F10: variants seen among roughly 807,000 people sequenced by gnomAD.
F10 encodes Stuart-Prower factor.
A neutral mutation model predicts 37.1 loss-of-function variants in F10; 29 were observed. That is an observed-to-expected ratio of 0.78 (90% CI 0.58 to 1.07). The LOEUF (loss-of-function observed/expected upper bound fraction) is 1.07, where lower values mean the gene tolerates loss of function less well. Ranked by LOEUF, F10 falls within the 50% of genes least tolerant of loss-of-function variation. The probability of loss-of-function intolerance (pLI) is 0.00; values close to 1 mark genes in which losing one functional copy is unlikely to be tolerated. For missense variants in F10, 539 were observed against 667.9 expected (o/e 0.81, Z 2.13); for synonymous variants, 262 against 268.6 (o/e 0.98, Z 0.24).
chr13:113,141,902 G>A lies in F10; in HGVS notation c.502+852G>A, dbSNP rs80026010. Among the ~76,000 whole-genome samples the A allele has an allele frequency of 5.3e-5, 8 of 152,174 alleles. No individual in the cohort carries two copies. Among genetic ancestry groups the A allele is most frequent in the Middle Eastern group, 3.2e-3 (1 of 316 alleles). On this transcript the variant is annotated intron_variant, in intron 5 of 7. Coordinates refer to ENST00000375559, the MANE Select transcript of F10 (RefSeq NM_000504.4). The surrounding 1 kb of genome is among the most constrained non-coding windows in gnomAD (Gnocchi z 5.4). The stretch of plus-strand genomic sequence containing the variant: ...CAGCTCACCTTCCGGCTTCAGGTGC[G>A]GCTCAGCCCCCAGACCGTGTTCTGC...
In F10 at chr13:113,139,525, G is replaced by C; in HGVS notation, c.370+55G>C. On this transcript the variant is annotated intron_variant, in intron 4 of 7. Transcript: ENST00000375559. This position sits in a 1 kb window ranked among gnomAD's most constrained non-coding sequence, Gnocchi z 5.2. ...ATCAGATGCCCCTGAAGAGTGGCAG[G>C]TGGGCGGGGGAAGAAGTGAAAACGC... 3 of 1,372,644 alleles carry C rather than the reference G, an allele frequency of 2.2e-6. No homozygotes were observed. Among genetic ancestry groups the C allele is most frequent in the Non-Finnish European group, 3.1e-6 (3 of 962,126 alleles). The allele number at this position is 1,372,644 out of a possible 1,614,324, so 85.0% of individuals were successfully genotyped here. A position where few individuals can be genotyped will look rare whatever the true frequency, so the allele number is the denominator to read the frequency against.
Position 113,143,700 on chromosome 13 carries a change from C to CA in F10, c.503-151_503-150insA. On this transcript the variant is annotated intron_variant, in intron 5 of 7. Transcript: ENST00000375559. The surrounding 1 kb of genome is among the most constrained non-coding windows in gnomAD (Gnocchi z 6.8). ...CTGCAGATCCGACCCCTGCCGACGA[C>CA]GTGGGGCCTCGCCCTGCAAGCCCGC... The CA allele has an allele frequency of 1.3e-4, 143 of 1,143,632 alleles. No individual in the cohort carries two copies. Among genetic ancestry groups the CA allele is most frequent in the Admixed American group, 7.2e-4 (29 of 40,532 alleles). The allele number at this position is 1,143,632 out of a possible 1,614,324, so 70.8% of individuals were successfully genotyped here. A position where few individuals can be genotyped will look rare whatever the true frequency, so the allele number is the denominator to read the frequency against.
intron 3 of F10, among the ~76,000 whole-genome samples, 197 bp downstream of exon 3, chr13:113,138,678 TGA>T (rs952798449): frequency 2.0e-5 from 3 of 152,232 alleles, no homozygotes; most frequent in Non-Finnish European, 4.4e-5. Context: ...GTTTTGTTAT[TGA>T]GTTAGAGATA....
At chr13:113,124,565 G>A (rs1173236772) in intron 1 of F10, among the ~76,000 whole-genome samples, 1 of 152,238 alleles carries the variant, frequency 6.6e-6, no homozygotes, top group Non-Finnish European at 1.5e-5. Context: ...TGTGGGGTGG[G>A]TGGGGCTGAA....
rs753080446 is a variant in F10 at position 113,129,545 on chromosome 13, G to A, written c.164G>A (p.Arg55Lys). The change falls in exon 2 of 8, where the codon AGA (arginine) becomes AAA (lysine). Residue 55 changes from arginine to lysine, a missense_variant. This residue lies in a region of F10 where 130 missense variants were observed against 120.0 expected (regional missense o/e 1.08). Coordinates refer to ENST00000375559, the MANE Select transcript of F10 (RefSeq NM_000504.4). ...GAGATGAAGAAAGGACACCTCGAAA[G>A]AGAGTGCATGGAAGAGACCTGCTCA... ...LEEMKKGHLE[R>K]ECMEETCSYE... 3.1e-6 allele frequency: 5 copies of A among 1,614,108 alleles called. No homozygotes were observed. The Admixed American group carries it at 8.3e-5, about 27-fold the overall frequency.
In F10 at chr13:113,146,407, TG is replaced by T. The variant is rs1313045870; in HGVS notation, c.748-970del. 6.6e-6 allele frequency among the ~76,000 whole-genome samples: 1 copy of T among 151,980 alleles called. No individual in the cohort carries two copies. The highest frequency in any genetic ancestry group is 2.4e-5 in the African/African-American group (1 of 41,382). On this transcript the variant is annotated intron_variant, in intron 6 of 7. Transcript: ENST00000375559. The surrounding 1 kb of genome is among the most constrained non-coding windows in gnomAD (Gnocchi z 4.5). ...GGACTTGGAGCTGCAGGCGGGGTTT[TG>T]GAGGGGTTCCTGGGCTGGGGGACCA...
chr13:113,142,291 C>G (rs2036536587), intron 5 of F10, among the ~76,000 whole-genome samples: 2 of 152,024 alleles, frequency 1.3e-5, no homozygotes, highest in Non-Finnish European at 2.9e-5. Flanking sequence ...CCTGTAATCC[C>G]AGCATTTTGG....
rs750596530 is a variant in F10, at chr13:113,143,859, C to T, written c.511C>T (p.Pro171Ser). 1.9e-6 allele frequency: 3 copies of T among 1,612,674 alleles called. No individual in the cohort carries two copies. Among genetic ancestry groups the T allele is most frequent in the Non-Finnish European group, 2.5e-6 (3 of 1,180,014 alleles). ...CGTCCTCTTTCTTTCAGGGCCCTAC[C>T]CCTGTGGGAAACAGACCCTGGAACG... ...GKACIPTGPY[P>S]CGKQTLERRK... Residue 171 changes from proline (P) to serine (S), a missense_variant, in exon 6 of 8, where the codon CCC (proline) becomes TCC (serine). Pro to Ser is a moderately conservative substitution (Grantham distance 74). Around this residue, in one of 2 missense-constraint regions of F10, gnomAD observed 409 missense variants for 547.9 expected, o/e 0.75. Coordinates refer to ENST00000375559, the MANE Select transcript of F10 (RefSeq NM_000504.4). This position sits in a 1 kb window ranked among gnomAD's most constrained non-coding sequence, Gnocchi z 6.8.
chr13:113,128,219 T>G (rs551244506), intron 1 of F10: 1 of 152,184 alleles, frequency 6.6e-6, no homozygotes, highest in Admixed American at 6.5e-5. Flanking sequence ...CCTTGGAAGG[T>G]CCTGAGAACA....
chr13:113,147,690 G>T (rs975682167), intron 7 of F10, among the ~76,000 whole-genome samples, 194 bp downstream of exon 7: 7 of 152,132 alleles, frequency 4.6e-5, no homozygotes, highest in Admixed American at 3.9e-4. Context: ...GAGGAGGACG[G>T]GGAGGGGAGG....
intron 1 of F10, among the ~76,000 whole-genome samples, chr13:113,125,907 A>G (rs1442924779): frequency 6.6e-6 from 1 of 151,814 alleles, no homozygotes; most frequent in Non-Finnish European, 1.5e-5. Context: ...CAAATAGCAC[A>G]GTGTAAGGGG....
Position 113,146,403 on chromosome 13 carries a change from G to A in F10, c.748-976G>A, listed in dbSNP as rs370368909. Among the ~76,000 whole-genome samples the A allele has an allele frequency of 1.2e-3, 177 of 152,262 alleles. No individual in the cohort carries two copies. The highest frequency in any genetic ancestry group is 2.5e-3 in the African/African-American group (104 of 41,560). ...AGCTGGACTTGGAGCTGCAGGCGGG[G>A]TTTTGGAGGGGTTCCTGGGCTGGGG... On this transcript the variant is annotated intron_variant, in intron 6 of 7. Coordinates refer to ENST00000375559, the MANE Select transcript of F10 (RefSeq NM_000504.4). This position sits in a 1 kb window ranked among gnomAD's most constrained non-coding sequence, Gnocchi z 4.5.
At chr13:113,145,683 T>A (rs1399086596) in intron 6 of F10, among the ~76,000 whole-genome samples, 1 of 152,174 alleles carries the variant, frequency 6.6e-6, no homozygotes, top group Non-Finnish European at 1.5e-5. Context: ...GGCCTCACCG[T>A]CACGGTGGAA....
intron 1 of F10, among the ~76,000 whole-genome samples, chr13:113,126,930 C>T (rs2036376208): frequency 6.6e-6 from 1 of 152,180 alleles, no homozygotes; most frequent in Non-Finnish European, 1.5e-5. Flanking sequence ...CAGGGAGCCA[C>T]GTGTGGGCTG....
At position 113,139,397 on chromosome 13, in the gene F10, C is replaced by G. The variant is rs151106005; in HGVS notation, c.297C>G (p.Gly99=). The G allele has an allele frequency of 6.2e-7, 1 of 1,613,760 alleles. No individual in the cohort carries two copies. Among genetic ancestry groups the G allele is most frequent in the African/African-American group, 1.3e-5 (1 of 74,862 alleles). The change falls in exon 4 of 8, where the codon GGC becomes GGG. Residue 99 remains glycine (G), a synonymous_variant. Transcript: ENST00000375559. The surrounding 1 kb of genome is among the most constrained non-coding windows in gnomAD (Gnocchi z 5.2). ...AGACCAGTCCTTGCCAGAACCAGGG[C>G]AAATGTAAAGACGGCCTCGGGGAAT... ...QCETSPCQNQ[G]KCKDGLGEYT...
Position 113,139,401 on chromosome 13 carries a change from T to TG in F10, c.302dup (p.Cys101TrpfsTer2). On this transcript the variant is annotated frameshift_variant, in exon 4 of 8. Transcript: ENST00000375559. LOFTEE classifies it high-confidence loss of function. The surrounding 1 kb of genome is among the most constrained non-coding windows in gnomAD (Gnocchi z 5.2). ...CAGTCCTTGCCAGAACCAGGGCAAA[T>TG]GTAAAGACGGCCTCGGGGAATACAC... 1 of 1,613,832 alleles carries TG rather than the reference T, an allele frequency of 6.2e-7. No individual in the cohort carries two copies. The highest frequency in any genetic ancestry group is 8.5e-7 in the Non-Finnish European group (1 of 1,179,850).
chr13:113,149,312 G>A lies in F10; in HGVS notation c.1262G>A (p.Gly421Asp), dbSNP rs758726161. Residue 421 changes from glycine to aspartate, a missense_variant, in exon 8 of 8, where the codon GGC (glycine) becomes GAC (aspartate). This residue lies in a region of F10 where 409 missense variants were observed against 547.9 expected (regional missense o/e 0.75). Transcript: ENST00000375559. This position sits in a 1 kb window ranked among gnomAD's most constrained non-coding sequence, Gnocchi z 7.5. Reference protein sequence around the residue: ...QEDACQGDSGGPHVTRFKDTY... With the variant: ...QEDACQGDSGDPHVTRFKDTY... ...GATGCCTGCCAGGGGGACAGCGGGGGCCCGCACGTCACCCGCTTCAAGGAC... is the reference window on the plus strand; with the variant it reads ...GATGCCTGCCAGGGGGACAGCGGGGACCCGCACGTCACCCGCTTCAAGGAC... 7.4e-6 allele frequency: 12 copies of A among 1,613,146 alleles called. No individual in the cohort carries two copies. In the African/African-American group the frequency reaches 1.2e-4, roughly 16 times the overall value.
chr13:113,132,435 T>C (rs922886537), intron 2 of F10, among the ~76,000 whole-genome samples: 6 of 152,246 alleles, frequency 3.9e-5, no homozygotes, highest in Non-Finnish European at 7.3e-5. Flanking sequence ...TTTCTAAATA[T>C]TGCTATTAGG....
At chr13:113,131,003 C>T (rs1439622959) in intron 2 of F10, 1 of 152,170 alleles carries the variant, frequency 6.6e-6, no homozygotes, top group Non-Finnish European at 1.5e-5. Context: ...GCAAGGAGAC[C>T]CAATATTATT....
Sources: gnomAD v4.1 joint callset for allele counts (sites outside exome capture counted in the v4.1 genomes callset) on GRCh38, gnomAD v4.1.1 for gene constraint, gnomAD v4.1.1 regional missense constraint, Gnocchi (gnomAD v3.1) non-coding constraint, MANE v1.5 for transcripts, NCBI Gene and HGNC (gene_info 2026-07-23, HGNC 2026-07-21) for gene names.